CREBBP: variants seen among roughly 807,000 people sequenced by gnomAD.
CREBBP encodes CREB-binding protein.
In CREBBP, 19 loss-of-function variants were observed where a neutral mutation model predicts 265.0. The ratio of observed to expected loss-of-function variants is 0.07; its 90% CI spans 0.05 to 0.11. The LOEUF is 0.11. CREBBP is among the 10% of genes least tolerant of loss of function. CREBBP has a pLI of 1.00. For missense variants in CREBBP, 2,525 were observed against 3,219.0 expected (o/e 0.78, Z 5.22); for synonymous variants, 1,457 against 1,223.7 (o/e 1.19, Z -3.98).
At position 3,813,819 on chromosome 16, in the gene CREBBP, A is replaced by G. The variant is rs568244964; in HGVS notation, c.799-3040T>C. ...CCAATTTGACAAACAAACAAACAAA[A>G]AATCAACGTCTTTTGGAAGTTTCTA... On this transcript the variant is annotated intron_variant, in intron 2 of 30. Transcript: ENST00000262367. 5.1e-4 allele frequency among the ~76,000 whole-genome samples: 77 copies of G among 152,318 alleles called. 1 individual carries two copies. The South Asian group carries it at 0.011, about 21-fold the overall frequency.
intron 21 of CREBBP, 195 bp from the exon 22 acceptor site, chr16:3,745,549 T>C: frequency 1.6e-6 from 1 of 624,012 alleles, no homozygotes; most frequent in Non-Finnish European, 2.9e-6. Flanking sequence ...AAAAGCTTTC[T>C]TCTTTTGTTT....
chr16:3,861,652 C>CAAAAAAAAAAAA (rs368654449), intron 1 of CREBBP, among the ~76,000 whole-genome samples: 1 of 121,088 alleles, frequency 8.3e-6, no homozygotes, highest in Non-Finnish European at 1.8e-5. Flanking sequence ...CTCTCTATAC[C>CAAAAAAAAAAAA]AAAAAAAAAA....
intron 16 of CREBBP, among the ~76,000 whole-genome samples, chr16:3,761,013 G>A (rs1244346171): frequency 1.3e-5 from 2 of 152,116 alleles, no homozygotes; most frequent in African/African-American, 4.8e-5. Flanking sequence ...GGAGTGCAAT[G>A]GCGTGATCTT....
chr16:3,860,625 T>C (rs553141215), intron 1 of CREBBP, among the ~76,000 whole-genome samples: 2 of 152,354 alleles, frequency 1.3e-5, no homozygotes, highest in African/African-American at 4.8e-5. Flanking sequence ...AACATCATGT[T>C]GTATATGATA....
rs776122323 is a variant in CREBBP at position 3,778,047 on chromosome 16, G to C, written c.2077C>G (p.Pro693Ala). 5 of 1,614,204 alleles carry C rather than the reference G, an allele frequency of 3.1e-6. No homozygotes were observed. Among genetic ancestry groups the C allele is most frequent in the African/African-American group, 1.3e-5 (1 of 75,058 alleles). ...PALPAPGAQP[P>A]VIPQAQPVRP... ...ACAGGTTGTGCCTGTGGAATCACAG[G>C]GGGCTGAGCCCCCGGGGCTGGTAAG... Residue 693 changes from proline (P) to alanine (A), a missense_variant, in exon 10 of 31, where the codon CCT becomes GCT. Physicochemically the swap from Pro to Ala is conservative, Grantham distance 27 (BLOSUM62 -1). This residue lies in a region of CREBBP where 548 missense variants were observed against 533.0 expected (regional missense o/e 1.03). Transcript: ENST00000262367.
chr16:3,777,363 TAG>T (rs377360785), intron 11 of CREBBP, among the ~76,000 whole-genome samples: 2 of 149,554 alleles, frequency 1.3e-5, no homozygotes, highest in South Asian at 4.4e-4. Flanking sequence ...TAAAATAAAA[TAG>T]AAATAAATAA....
chr16:3,807,885 A>G (rs932579219), intron 3 of CREBBP, among the ~76,000 whole-genome samples: 3 of 152,106 alleles, frequency 2.0e-5, no homozygotes, highest in Non-Finnish European at 2.9e-5. Context: ...CTGCCTCACA[A>G]AGGCACACGT....
chr16:3,760,845 C>T (rs1283331540), intron 16 of CREBBP, among the ~76,000 whole-genome samples: 1 of 151,670 alleles, frequency 6.6e-6, no homozygotes, highest in African/African-American at 2.4e-5. Context: ...ACTATGTTGC[C>T]CAGGCTGGTA....
At chr16:3,825,809 T>C (rs2054225833) in intron 2 of CREBBP, among the ~76,000 whole-genome samples, 1 of 152,212 alleles carries the variant, frequency 6.6e-6, no homozygotes, top group African/African-American at 2.4e-5. Context: ...ATTGTGTATC[T>C]TCAAAAGCAT....
intron 1 of CREBBP, among the ~76,000 whole-genome samples, chr16:3,861,763 T>C (rs2055080092): frequency 6.6e-6 from 1 of 151,852 alleles, no homozygotes; most frequent in East Asian, 1.9e-4. Flanking sequence ...TCTAACTTTT[T>C]TTTTTTTTTT....
At chr16:3,851,306 T>TAAAA (rs1160251196) in intron 1 of CREBBP, among the ~76,000 whole-genome samples, 2,342 of 76,288 alleles carry the variant, frequency 0.031, 68 homozygotes, top group East Asian at 0.2. Context: ...AAAAAAAAAT[T>TAAAA]AAAAAAAAAA....
chr16:3,755,398 G>A (rs1308148736), intron 19 of CREBBP, among the ~76,000 whole-genome samples: 1 of 152,174 alleles, frequency 6.6e-6, no homozygotes, highest in Admixed American at 6.5e-5. Context: ...GTTGGGCAAC[G>A]TAGCAGGGGT....
chr16:3,761,004 G>C (rs898328345), intron 16 of CREBBP, among the ~76,000 whole-genome samples: 1 of 152,030 alleles, frequency 6.6e-6, no homozygotes, highest in Non-Finnish European at 1.5e-5. Context: ...GTCTAGGCTG[G>C]AGTGCAATGG....
At chr16:3,741,805 A>T (rs527375691) in intron 23 of CREBBP, 4 of 152,138 alleles carry the variant, frequency 2.6e-5, no homozygotes, top group African/African-American at 4.8e-5. Flanking sequence ...GTCGGGAGCG[A>T]TGGCTCATGC....
intron 2 of CREBBP, among the ~76,000 whole-genome samples, chr16:3,824,570 C>A (rs957385406): frequency 6.6e-6 from 1 of 152,218 alleles, no homozygotes; most frequent in Admixed American, 6.5e-5. Flanking sequence ...GGAACAAACG[C>A]TGCTCTGATC....
intron 14 of CREBBP, among the ~76,000 whole-genome samples, chr16:3,769,791 A>T (rs956047660): frequency 4.6e-5 from 7 of 152,236 alleles, no homozygotes; most frequent in Admixed American, 4.6e-4. Flanking sequence ...GAACGGTAGG[A>T]ACACGGGTGC....
rs551018184 is a variant in CREBBP, at chr16:3,852,035, C to CAAAAAAAAAA, written c.86-1036_86-1027dup. ...CCTGGGCAACAGCGAGACTCCATCT[C>CAAAAAAAAAA]AAAAAAAAAAAAAAAAAAAAAAAAA... On this transcript the variant is annotated intron_variant, in intron 1 of 30. Transcript: ENST00000262367. Among the ~76,000 whole-genome samples, 11 of 11,200 alleles carry CAAAAAAAAAA rather than the reference C, an allele frequency of 9.8e-4. 2 individuals are homozygous for CAAAAAAAAAA. The highest frequency in any genetic ancestry group is 1.4e-3 in the Non-Finnish European group (8 of 5,672). 7.3% of individuals were successfully genotyped at this position (11,200 alleles called of 152,430 possible). A position where few individuals can be genotyped will look rare whatever the true frequency, so the allele number is the denominator to read the frequency against.
At position 3,850,797 on chromosome 16, in the gene CREBBP, C is replaced by G; in HGVS notation, c.298G>C (p.Gly100Arg). 1.9e-6 allele frequency: 3 copies of G among 1,614,136 alleles called. No homozygotes were observed. Among genetic ancestry groups the G allele is most frequent in the Non-Finnish European group, 1.7e-6 (2 of 1,180,042 alleles). The change falls in exon 2 of 31, where the codon GGT (glycine) becomes CGT (arginine). Residue 100 changes from glycine (G) to arginine (R), a missense_variant. Physicochemically the swap from Gly to Arg is moderately radical, Grantham distance 125 (BLOSUM62 -2). Transcript: ENST00000262367. ...SASSPVQQGLGGQAQGQPNSA... is the reference protein window; with the variant it reads ...SASSPVQQGLRGQAQGQPNSA... ...TTCGGCTGCCCTTGAGCCTGGCCACCCAGGCCCTGCTGCACGGGGCTGCTG... is the reference window on the plus strand; with the variant it reads ...TTCGGCTGCCCTTGAGCCTGGCCACGCAGGCCCTGCTGCACGGGGCTGCTG...
intron 24 of CREBBP, among the ~76,000 whole-genome samples, chr16:3,739,956 G>A (rs2052160784): frequency 6.6e-6 from 1 of 152,172 alleles, no homozygotes; most frequent in Non-Finnish European, 1.5e-5. Context: ...AATGAAATAC[G>A]GGATTCTGAG....
Sources: gnomAD v4.1 joint callset for allele counts (sites outside exome capture counted in the v4.1 genomes callset) on GRCh38, gnomAD v4.1.1 for gene constraint, gnomAD v4.1.1 regional missense constraint, MANE v1.5 for transcripts, NCBI Gene and HGNC (gene_info 2026-07-23, HGNC 2026-07-21) for gene names.